Variants in TRIQK observed in about 807,000 individuals in gnomAD.
The protein encoded by TRIQK is triple QxxK/R motif-containing protein.
Under a neutral mutation model 10.8 loss-of-function variants are expected in TRIQK, and 10 were observed. That is an observed-to-expected ratio of 0.92 (90% CI 0.57 to 1.57). TRIQK has a LOEUF of 1.57. Among genes scored for constraint, TRIQK ranks in the 40% most tolerant of loss-of-function variants. The pLI is 0.00. For missense variants in TRIQK, 107 were observed against 97.7 expected (o/e 1.09, Z -0.40); for synonymous variants, 33 against 33.7 (o/e 0.98, Z 0.07).
intron 1 of TRIQK, among the ~76,000 whole-genome samples, chr8:93,009,019 C>T (rs965981314): frequency 3.3e-5 from 5 of 152,110 alleles, no homozygotes; most frequent in Non-Finnish European, 5.9e-5. Flanking sequence ...AGTAATCAAG[C>T]AAGTGAAGAG....
At chr8:92,959,856 T>C (rs1328997286) in intron 1 of TRIQK, among the ~76,000 whole-genome samples, 1 of 152,134 alleles carries the variant, frequency 6.6e-6, no homozygotes, top group East Asian at 1.9e-4. Context: ...TGGTTTTCTG[T>C]TGCCATCACA....
chr8:92,903,674 C>T (rs938957461), intron 3 of TRIQK, among the ~76,000 whole-genome samples: 2 of 151,976 alleles, frequency 1.3e-5, no homozygotes, highest in African/African-American at 4.8e-5. Context: ...CCTGAAATTG[C>T]TAGATCTATA....
chr8:92,922,682 T>A (rs1290762595), intron 2 of TRIQK: 1 of 151,844 alleles, frequency 6.6e-6, no homozygotes, highest in African/African-American at 2.4e-5. Context: ...TATGTTAATA[T>A]ACTTTACATT....
At chr8:92,896,205 C>A (rs774760936) in intron 3 of TRIQK, among the ~76,000 whole-genome samples, 10 of 152,192 alleles carry the variant, frequency 6.6e-5, no homozygotes, top group Non-Finnish European at 1.5e-4. Flanking sequence ...ACCCCTCAGC[C>A]ATGCCAGCTG....
chr8:92,926,755 T>C (rs1336587856), intron 2 of TRIQK, among the ~76,000 whole-genome samples: 2 of 152,222 alleles, frequency 1.3e-5, no homozygotes, highest in Non-Finnish European at 2.9e-5. Context: ...GGGATATCTA[T>C]GCAGTAGCTC....
intron 1 of TRIQK, among the ~76,000 whole-genome samples, chr8:92,956,724 T>C (rs924819862): frequency 8.2e-4 from 124 of 151,974 alleles, no homozygotes; most frequent in African/African-American, 2.9e-3. Context: ...TAATACTTCA[T>C]AGAAAAATCT....
chr8:93,004,025 C>T (rs1173298684), intron 1 of TRIQK, among the ~76,000 whole-genome samples: 1 of 152,200 alleles, frequency 6.6e-6, no homozygotes, highest in East Asian at 1.9e-4. Flanking sequence ...TCCAGGTGCA[C>T]AGTGCAAGCT....
At chr8:92,942,533 C>T (rs9657014) in intron 2 of TRIQK, among the ~76,000 whole-genome samples, 70,280 of 151,908 alleles carry the variant, frequency 0.46, 17,239 homozygotes, top group Middle Eastern at 0.62. Flanking sequence ...TATTGGAAGT[C>T]CTAGCCAGAG....
chr8:93,011,776 A>C (rs2130763772), intron 1 of TRIQK, among the ~76,000 whole-genome samples: 3 of 152,306 alleles, frequency 2.0e-5, no homozygotes, highest in Middle Eastern at 6.8e-3. Context: ...ACTGGGAATT[A>C]ACCCTATTTT....
At chr8:92,915,619 G>GAA (rs1809791324) in intron 3 of TRIQK, among the ~76,000 whole-genome samples, 3 of 151,004 alleles carry the variant, frequency 2.0e-5, no homozygotes, top group Admixed American at 2.0e-4. Context: ...AGCCTCCCAG[G>GAA]TAGCTGGGAC....
chr8:92,935,645 G>A (rs550554944), intron 2 of TRIQK, among the ~76,000 whole-genome samples: 1 of 151,474 alleles, frequency 6.6e-6, no homozygotes, highest in African/African-American at 2.4e-5. Flanking sequence ...CAAAAGGGAT[G>A]ATCAACATAG....
intron 3 of TRIQK, among the ~76,000 whole-genome samples, chr8:92,909,323 C>G (rs1043762783): frequency 1.1e-4 from 16 of 151,896 alleles, no homozygotes; most frequent in African/African-American, 3.9e-4. Context: ...CATAACGTAC[C>G]TTTACATTTA....
chr8:93,014,260 G>C (rs528388622), intron 1 of TRIQK, among the ~76,000 whole-genome samples: 132 of 152,144 alleles, frequency 8.7e-4, no homozygotes, highest in Admixed American at 3.7e-3. Flanking sequence ...AGGCATTACT[G>C]TGACCCACTA....
At chr8:93,004,405 G>A (rs938000592) in intron 1 of TRIQK, among the ~76,000 whole-genome samples, 1 of 152,214 alleles carries the variant, frequency 6.6e-6, no homozygotes, top group Non-Finnish European at 1.5e-5. Flanking sequence ...CTTGGGCTTG[G>A]CCCACGAAAC....
At chr8:92,934,688 C>A (rs893605487) in intron 2 of TRIQK, among the ~76,000 whole-genome samples, 7 of 151,896 alleles carry the variant, frequency 4.6e-5, no homozygotes, top group African/African-American at 1.4e-4. Flanking sequence ...ATAGCATTAG[C>A]ACTTTGTTAG....
At chr8:93,012,357 C>T (rs1460543410) in intron 1 of TRIQK, among the ~76,000 whole-genome samples, 1 of 152,096 alleles carries the variant, frequency 6.6e-6, no homozygotes, top group Admixed American at 6.6e-5. Flanking sequence ...AACAGAGTGC[C>T]CACGATTCTG....
chr8:93,001,831 A>G (rs927716533), intron 1 of TRIQK, among the ~76,000 whole-genome samples: 34 of 152,188 alleles, frequency 2.2e-4, no homozygotes, highest in African/African-American at 7.7e-4. Flanking sequence ...TACAGAATAC[A>G]CATTCTTCTC....
At chr8:92,958,142 C>T (rs1812270911) in intron 1 of TRIQK, among the ~76,000 whole-genome samples, 1 of 151,968 alleles carries the variant, frequency 6.6e-6, no homozygotes, top group South Asian at 2.1e-4. Context: ...CATACTGCCT[C>T]AACTCTAGCC....
intron 3 of TRIQK, among the ~76,000 whole-genome samples, chr8:92,897,654 C>T (rs1349080905): frequency 6.6e-6 from 1 of 152,104 alleles, no homozygotes; most frequent in African/African-American, 2.4e-5. Context: ...TTATAAATTA[C>T]CCAGTCTCAG....
Sources: gnomAD v4.1 joint callset for allele counts (sites outside exome capture counted in the v4.1 genomes callset) on GRCh38, gnomAD v4.1.1 for gene constraint, MANE v1.5 for transcripts, NCBI Gene and HGNC (gene_info 2026-07-23, HGNC 2026-07-21) for gene names.